HERC2: variants seen among roughly 807,000 people sequenced by gnomAD.
HERC2 encodes the protein E3 ubiquitin-protein ligase HERC2.
Under a neutral mutation model 537.7 loss-of-function variants are expected in HERC2, and 102 were observed. The observed-to-expected ratio is 0.19, with a 90% CI of 0.16 to 0.22. The LOEUF (loss-of-function observed/expected upper bound fraction) is 0.22. HERC2 is among the 10% of genes least tolerant of loss of function. HERC2 has a pLI of 1.00. For synonymous variants in HERC2, 2,224 were observed against 2,466.2 expected (o/e 0.90, Z 2.91); for missense variants, 4,236 against 6,198.2 (o/e 0.68, Z 10.63).
chr15:28,160,538 C>G (rs565408288), intron 69 of HERC2, among the ~76,000 whole-genome samples: 3 of 152,202 alleles, frequency 2.0e-5, no homozygotes, highest in Admixed American at 2.0e-4. Flanking sequence ...GAGCCAGGCG[C>G]GAGATATAAT....
intron 64 of HERC2, among the ~76,000 whole-genome samples, chr15:28,175,039 A>G (rs992197139): frequency 1.1e-4 from 17 of 152,098 alleles, no homozygotes; most frequent in African/African-American, 3.9e-4. Flanking sequence ...ACTAAAATAC[A>G]GTAATGGTAA....
intron 69 of HERC2, among the ~76,000 whole-genome samples, chr15:28,154,421 G>A (rs1226744850): frequency 6.6e-6 from 1 of 152,194 alleles, no homozygotes; most frequent in African/African-American, 2.4e-5. Context: ...GGCAAGGGCA[G>A]TTTGAAAACG....
chr15:28,253,683 C>G (rs953227222), intron 20 of HERC2, among the ~76,000 whole-genome samples: 4 of 152,206 alleles, frequency 2.6e-5, no homozygotes, highest in Non-Finnish European at 4.4e-5. Flanking sequence ...CAATACAGGC[C>G]GGGAACAGTG....
At position 28,192,108 on chromosome 15, in the gene HERC2, C is replaced by T; in HGVS notation, c.8304G>A (p.Lys2768=). Residue 2768 remains lysine (K), a synonymous_variant, in exon 53 of 93, where the codon AAG becomes AAA. Coordinates refer to ENST00000261609, the MANE Select transcript of HERC2 (RefSeq NM_004667.6). ...VFCGRSGKQL[K]RCHSSQPGML... The stretch of plus-strand genomic sequence containing the variant: ...TGCCTGGCTGGCTGCTGTGGCAACG[C>T]TTCAGCTGTTTTCCAGAACGGCCAC... 1.2e-6 allele frequency: 2 copies of T among 1,613,980 alleles called. No homozygotes were observed. Among genetic ancestry groups the T allele is most frequent in the Non-Finnish European group, 8.5e-7 (1 of 1,179,992 alleles).
At chr15:28,269,905 A>G (rs1377450744) in intron 10 of HERC2, among the ~76,000 whole-genome samples, 1 of 152,264 alleles carries the variant, frequency 6.6e-6, no homozygotes, top group Non-Finnish European at 1.5e-5. Context: ...ACACACGTGC[A>G]CACATGGAGG....
At position 28,190,992 on chromosome 15, in the gene HERC2, T is replaced by C; in HGVS notation, c.8622A>G (p.Thr2874=). The C allele has an allele frequency of 6.2e-7, 1 of 1,611,382 alleles. No individual in the cohort carries two copies. The highest frequency in any genetic ancestry group is 1.3e-5 in the African/African-American group (1 of 75,002). The change falls in exon 55 of 93, where the codon ACA becomes ACG. Residue 2874 remains threonine (T), a synonymous_variant. Coordinates refer to ENST00000261609, the MANE Select transcript of HERC2 (RefSeq NM_004667.6). ...CTGTGCAGTCATTCAGAAGGGGCAC[T>C]GTGGTGTCAGAAGGGTTAATATTGA... ...KTININPSDT[T]VPLLNDCTEY... is the part of the protein sequence containing the mutation.
intron 20 of HERC2, among the ~76,000 whole-genome samples, chr15:28,253,162 G>A (rs1223677726): frequency 6.9e-6 from 1 of 145,538 alleles, no homozygotes; most frequent in Non-Finnish European, 1.5e-5. Flanking sequence ...CTTCTTGGGT[G>A]ATCATTTTTA....
At chr15:28,266,390 C>G (rs887255224) in intron 12 of HERC2, among the ~76,000 whole-genome samples, 1 of 152,098 alleles carries the variant, frequency 6.6e-6, no homozygotes, top group Non-Finnish European at 1.5e-5. Context: ...TGGAGGGTGT[C>G]TGTAATCCCA....
intron 2 of HERC2, among the ~76,000 whole-genome samples, chr15:28,314,808 C>A (rs996285390): frequency 1.3e-5 from 2 of 151,636 alleles, no homozygotes; most frequent in African/African-American, 4.8e-5. Context: ...TTGCAGTGAG[C>A]CAAGATCGCG....
intron 57 of HERC2, among the ~76,000 whole-genome samples, chr15:28,181,071 C>CT (rs772655492): frequency 6.6e-6 from 1 of 152,324 alleles, no homozygotes; most frequent in South Asian, 2.1e-4. Context: ...TGCTCACTCT[C>CT]TGATTCTGAC....
In HERC2 at chr15:28,163,081, C is replaced by T; in HGVS notation, c.10746+13G>A. The stretch of plus-strand genomic sequence containing the variant: ...AGGTGGAATCAGACGGCCCCGCCCT[C>T]CCTGAGACTCACCTGTGGGTAGGCG... On this transcript the variant is annotated intron_variant, in intron 69 of 92. Transcript: ENST00000261609. The T allele has an allele frequency of 6.2e-7, 1 of 1,603,458 alleles. No individual in the cohort carries two copies. The highest frequency in any genetic ancestry group is 8.5e-7 in the Non-Finnish European group (1 of 1,176,724).
At chr15:28,127,536 T>C (rs1054396382) in intron 83 of HERC2, among the ~76,000 whole-genome samples, 1 of 152,244 alleles carries the variant, frequency 6.6e-6, no homozygotes, top group African/African-American at 2.4e-5. Context: ...ACATTACTAT[T>C]CCCTGGCTTT....
intron 12 of HERC2, among the ~76,000 whole-genome samples, chr15:28,266,289 GC>G (rs1273222337): frequency 2.0e-5 from 3 of 152,156 alleles, no homozygotes; most frequent in Non-Finnish European, 4.4e-5. Context: ...GCCGAGGTGG[GC>G]AGATCACCTG....
intron 26 of HERC2, among the ~76,000 whole-genome samples, chr15:28,234,774 CTAAGA>C (rs2140658924): frequency 6.6e-6 from 1 of 150,666 alleles, no homozygotes; most frequent in Non-Finnish European, 1.5e-5. Flanking sequence ...AACAACTGAG[CTAAGA>C]TGAGGAATAA....
intron 55 of HERC2, among the ~76,000 whole-genome samples, chr15:28,189,028 C>T (rs547718343): frequency 1.3e-5 from 2 of 151,758 alleles, no homozygotes; most frequent in Non-Finnish European, 2.9e-5. Flanking sequence ...GTGGTGGTTG[C>T]GGTAAGCTGA....
intron 8 of HERC2, among the ~76,000 whole-genome samples, chr15:28,272,639 T>C (rs1397896625): frequency 6.6e-6 from 1 of 151,092 alleles, no homozygotes; most frequent in Non-Finnish European, 1.5e-5. Flanking sequence ...TCTAGGATCT[T>C]AAATTCATGG....
At chr15:28,310,524 C>T (rs893878494) in intron 2 of HERC2, among the ~76,000 whole-genome samples, 3 of 151,864 alleles carry the variant, frequency 2.0e-5, no homozygotes, top group African/African-American at 7.3e-5. Flanking sequence ...ACATTCAGGG[C>T]CCCTGAAGTT....
intron 23 of HERC2, among the ~76,000 whole-genome samples, chr15:28,239,088 CAAAAATTCATTCAAAATAAATA>C (rs978422189): frequency 6.6e-6 from 1 of 151,978 alleles, no homozygotes; most frequent in Admixed American, 6.6e-5. Flanking sequence ...AATAGGTTTT[CAAAAATTCATTCAAAATAAATA>C]AAAAATTCAT....
intron 4 of HERC2, among the ~76,000 whole-genome samples, chr15:28,292,090 A>T (rs1455601434): frequency 6.7e-6 from 1 of 150,214 alleles, no homozygotes; most frequent in Admixed American, 6.6e-5. Flanking sequence ...TTAGCCAGGC[A>T]TGGTGGCGGA....
Sources: allele counts gnomAD v4.1 joint callset (sites outside exome capture counted in the v4.1 genomes callset), GRCh38; gene constraint gnomAD v4.1.1; transcripts MANE v1.5; gene names NCBI Gene and HGNC (gene_info 2026-07-23, HGNC 2026-07-21).